The following FOXJ3 variants were observed in gnomAD, a reference collection of about 807,000 sequenced individuals.
FOXJ3 encodes the protein forkhead box protein J3.
FOXJ3 carries 22 observed loss-of-function variants against 76.1 expected under a neutral mutation model. The observed-to-expected ratio is 0.29, with a 90% confidence interval of 0.21 to 0.41. FOXJ3 has a LOEUF of 0.41. Among genes scored for constraint, FOXJ3 ranks in the 10% least tolerant of loss-of-function variants. FOXJ3 has a pLI of 1.00. For synonymous variants in FOXJ3, 269 were observed against 261.2 expected (o/e 1.03, Z -0.29); for missense variants, 613 against 762.1 (o/e 0.80, Z 2.30).
intron 7 of FOXJ3, 105 bp from the exon 8 acceptor site, chr1:42,195,169 G>T: frequency 3.6e-6 from 3 of 825,826 alleles, no homozygotes; most frequent in Non-Finnish European, 5.5e-6. Flanking sequence ...GGAATTCAAA[G>T]AAAATAACTC....
intron 8 of FOXJ3, 95 bp downstream of exon 8, chr1:42,194,795 T>C (rs928144066): frequency 1.3e-6 from 1 of 760,712 alleles, no homozygotes; most frequent in African/African-American, 1.8e-5. Flanking sequence ...ATGATAATAT[T>C]CTAAGATTAA....
chr1:42,205,415 T>C (rs577346186), intron 6 of FOXJ3, among the ~76,000 whole-genome samples: 1 of 152,292 alleles, frequency 6.6e-6, no homozygotes, highest in Admixed American at 6.5e-5. Flanking sequence ...TTTGACAATC[T>C]TTTTTTCAAC....
chr1:42,309,230 TGGGCAATTG>T (rs1488303827), intron 2 of FOXJ3, among the ~76,000 whole-genome samples: 5 of 152,106 alleles, frequency 3.3e-5, no homozygotes, highest in Non-Finnish European at 7.4e-5. Flanking sequence ...CCTCCAAAGC[TGGGCAATTG>T]TAACACTTCA....
intron 4 of FOXJ3, among the ~76,000 whole-genome samples, chr1:42,263,007 C>A (rs1434392880): frequency 2.0e-5 from 3 of 150,860 alleles, no homozygotes; most frequent in Non-Finnish European, 4.4e-5. Flanking sequence ...ACATACAAAA[C>A]CTTAAAACTG....
At chr1:42,194,486 A>G (rs1489110727) in intron 8 of FOXJ3, among the ~76,000 whole-genome samples, 1 of 152,222 alleles carries the variant, frequency 6.6e-6, no homozygotes, top group Non-Finnish European at 1.5e-5. Context: ...CCACATTCCG[A>G]TAGTTATCTC....
Position 42,324,102 on chromosome 1 carries a change from G to GTATATACACAT in FOXJ3, c.-18+10956_-18+10957insATGTGTATATA, listed in dbSNP as rs1557725886. On this transcript the variant is annotated intron_variant, in intron 1 of 12. Coordinates refer to ENST00000361346, the MANE Select transcript of FOXJ3 (RefSeq NM_014947.5). ...ATAGTATATATACTGTATATATACT[G>GTATATACACAT]TGTATATACACTGTATATACACAGT... 2.0e-3 allele frequency among the ~76,000 whole-genome samples: 98 copies of GTATATACACAT among 48,426 alleles called. 3 individuals are homozygous for GTATATACACAT. Among genetic ancestry groups the GTATATACACAT allele is most frequent in the African/African-American group, 6.5e-3 (89 of 13,774 alleles). 31.8% of individuals were successfully genotyped at this position (48,426 alleles called of 152,430 possible). A position where few individuals can be genotyped will look rare whatever the true frequency, so the allele number is the denominator to read the frequency against.
intron 1 of FOXJ3, among the ~76,000 whole-genome samples, chr1:42,325,149 T>C (rs1655752935): frequency 6.6e-6 from 1 of 152,178 alleles, no homozygotes; most frequent in African/African-American, 2.4e-5. Context: ...ACTGTCTCCA[T>C]CCTGGAAGAA....
At position 42,181,891 on chromosome 1, in the gene FOXJ3, A is replaced by T. The variant is rs888219436; in HGVS notation, c.1753+26T>A. On this transcript the variant is annotated intron_variant, in intron 12 of 12. Coordinates refer to ENST00000361346, the MANE Select transcript of FOXJ3 (RefSeq NM_014947.5). ...CACACACACACACACACACACACACACACTCACTCTCTCTCTCTCTCTTAC... is the reference window on the plus strand; with the variant it reads ...CACACACACACACACACACACACACTCACTCACTCTCTCTCTCTCTCTTAC... The T allele has an allele frequency of 5.3e-5, 71 of 1,341,380 alleles. No homozygotes were observed. Among genetic ancestry groups the T allele is most frequent in the African/African-American group, 7.4e-5 (5 of 67,990 alleles). The allele number at this position is 1,341,380 out of a possible 1,614,324, so 83.1% of individuals were successfully genotyped here. A position where few individuals can be genotyped will look rare whatever the true frequency, so the allele number is the denominator to read the frequency against.
chr1:42,246,449 T>C (rs1023349866), intron 4 of FOXJ3, among the ~76,000 whole-genome samples: 3 of 151,976 alleles, frequency 2.0e-5, no homozygotes, highest in East Asian at 3.9e-4. Flanking sequence ...TCAATAATCA[T>C]TAAGGAAATG....
intron 2 of FOXJ3, among the ~76,000 whole-genome samples, chr1:42,301,897 T>C (rs1654172796): frequency 6.6e-6 from 1 of 152,132 alleles, no homozygotes. Context: ...AGTTTCAGAG[T>C]TGTTCCTCTG....
intron 11 of FOXJ3, among the ~76,000 whole-genome samples, chr1:42,182,356 C>T (rs1646342083): frequency 6.6e-6 from 1 of 152,208 alleles, no homozygotes; most frequent in Non-Finnish European, 1.5e-5. Context: ...CTGACCCTCC[C>T]ACTAAGCCCC....
At chr1:42,272,310 C>T (rs1449029900) in intron 3 of FOXJ3, among the ~76,000 whole-genome samples, 2 of 152,260 alleles carry the variant, frequency 1.3e-5, no homozygotes, top group East Asian at 3.9e-4. Flanking sequence ...CTGAAGTGTT[C>T]TAAACAAAAC....
intron 1 of FOXJ3, among the ~76,000 whole-genome samples, chr1:42,311,687 C>T (rs1654825953): frequency 1.8e-5 from 1 of 55,566 alleles, no homozygotes; most frequent in African/African-American, 6.8e-5. Flanking sequence ...TAAAGAGAAG[C>T]ACTGAAACAG....
intron 3 of FOXJ3, among the ~76,000 whole-genome samples, chr1:42,273,018 T>C (rs1651975373): frequency 6.6e-6 from 1 of 152,240 alleles, no homozygotes; most frequent in Non-Finnish European, 1.5e-5. Flanking sequence ...CACTTCCTTG[T>C]ACTCTAGTGG....
chr1:42,192,016 C>T (rs1490874594), intron 8 of FOXJ3, among the ~76,000 whole-genome samples: 1 of 152,072 alleles, frequency 6.6e-6, no homozygotes, highest in African/African-American at 2.4e-5. Flanking sequence ...TAGGAGAAGG[C>T]TGAAAATATA....
chr1:42,329,364 C>G lies in FOXJ3; in HGVS notation c.-18+5695G>C, dbSNP rs576797490. Among the ~76,000 whole-genome samples, 4 of 152,300 alleles carry G rather than the reference C, an allele frequency of 2.6e-5. No homozygotes were observed. The East Asian group carries it at 7.7e-4, about 29-fold the overall frequency. On this transcript the variant is annotated intron_variant, in intron 1 of 12. Coordinates refer to ENST00000361346, the MANE Select transcript of FOXJ3 (RefSeq NM_014947.5). The stretch of plus-strand genomic sequence containing the variant: ...TAAGTCAATCTCTTTAACCAAAACA[C>G]TATGCTTTGGTTCTTATTTGTGCAC...
At chr1:42,255,185 T>A (rs1650478633) in intron 4 of FOXJ3, among the ~76,000 whole-genome samples, 1 of 152,160 alleles carries the variant, frequency 6.6e-6, no homozygotes, top group East Asian at 1.9e-4. Flanking sequence ...AAGAAAGGAA[T>A]GTAGATAAAC....
intron 1 of FOXJ3, among the ~76,000 whole-genome samples, chr1:42,324,104 G>GTGTATATACAGTGTATATATACACTA (rs776964079): frequency 1.1e-5 from 1 of 88,946 alleles, no homozygotes; most frequent in Non-Finnish European, 2.0e-5. Flanking sequence ...TATATACTGT[G>GTGTATATACAGTGTATATATACACTA]TATATACACT....
chr1:42,322,619 ATTTT>A (rs899876655), intron 1 of FOXJ3, among the ~76,000 whole-genome samples: 1 of 152,016 alleles, frequency 6.6e-6, no homozygotes, highest in African/African-American at 2.4e-5. Flanking sequence ...TGGATAATTA[ATTTT>A]TTTCTTTCTC....
Sources: gnomAD v4.1 joint callset for allele counts (sites outside exome capture counted in the v4.1 genomes callset) on GRCh38, gnomAD v4.1.1 for gene constraint, MANE v1.5 for transcripts, NCBI Gene and HGNC (gene_info 2026-07-23, HGNC 2026-07-21) for gene names.